C11orf65: variants seen among roughly 807,000 people sequenced by gnomAD.
C11orf65 encodes protein MFI.
C11orf65 carries 38 observed loss-of-function variants against 35.3 expected under a neutral mutation model. The ratio of observed to expected loss-of-function variants is 1.08; its 90% CI spans 0.83 to 1.41. The LOEUF (loss-of-function observed/expected upper bound fraction) is 1.41, where lower values mean the gene tolerates loss of function less well. Among genes scored for constraint, C11orf65 ranks in the 40% most tolerant of loss-of-function variants. The probability of loss-of-function intolerance (pLI) is 0.00; values close to 1 mark genes in which losing one functional copy is unlikely to be tolerated. For missense variants in C11orf65, 370 were observed against 367.1 expected (o/e 1.01, Z -0.06); for synonymous variants, 105 against 114.4 (o/e 0.92, Z 0.53).
chr11:108,422,400 AT>A (rs2092832044), intron 3 of C11orf65, among the ~76,000 whole-genome samples: 1 of 152,232 alleles, frequency 6.6e-6, no homozygotes, highest in African/African-American at 2.4e-5. Flanking sequence ...CTTCTCTACC[AT>A]TTAATAGGAC....
chr11:108,362,646 G>T (rs2090910200), intron 2 of C11orf65, among the ~76,000 whole-genome samples: 1 of 149,606 alleles, frequency 6.7e-6, no homozygotes, highest in Non-Finnish European at 1.5e-5. Flanking sequence ...CATGTCCTTT[G>T]TAGGGACATG....
Position 108,450,945 on chromosome 11 carries a change from T to C in C11orf65, c.81+10534A>G, listed in dbSNP as rs1292921616. ...CAATAGATGCAGAAACGGCCTTCAA[T>C]AAAATTCAACAGCTCTTCATGCTAA... On this transcript the variant is annotated intron_variant, in intron 2 of 8. Transcript: ENST00000393084. 1.1e-4 allele frequency among the ~76,000 whole-genome samples: 16 copies of C among 151,856 alleles called. No individual in the cohort carries two copies. The East Asian group carries it at 3.1e-3, about 29-fold the overall frequency.
chr11:108,314,115 GTTTT>G (rs1362785249), intron 6 of C11orf65, among the ~76,000 whole-genome samples: 1 of 151,688 alleles, frequency 6.6e-6, no homozygotes, highest in Non-Finnish European at 1.5e-5. Context: ...CTAATGTACA[GTTTT>G]TTTGTTTTTT....
intron 2 of C11orf65, among the ~76,000 whole-genome samples, chr11:108,357,854 A>G (rs227048): frequency 0.52 from 78,311 of 149,850 alleles, 21,283 homozygotes; most frequent in Middle Eastern, 0.72. Context: ...AAAAAACAGA[A>G]CAGAAAAACT....
intron 7 of C11orf65, 64 bp from the exon 8 acceptor site, chr11:108,386,039 T>A: frequency 3.0e-6 from 4 of 1,349,942 alleles, no homozygotes; most frequent in Non-Finnish European, 4.2e-6. Context: ...TTAGACTACT[T>A]CTAAAATTCC....
At chr11:108,376,173 C>G (rs923090357) in intron 2 of C11orf65, among the ~76,000 whole-genome samples, 4 of 152,134 alleles carry the variant, frequency 2.6e-5, no homozygotes, top group East Asian at 1.9e-4. Context: ...CCCAAATCAA[C>G]AGAATATACA....
intron 6 of C11orf65, chr11:108,317,617 A>ATATATG (rs2084819354): frequency 3.9e-5 from 1 of 25,328 alleles, no homozygotes; most frequent in East Asian, 7.1e-4. Context: ...GAGTTGTTTT[A>ATATATG]TATATATATA....
intron 2 of C11orf65, among the ~76,000 whole-genome samples, chr11:108,446,011 G>A (rs1565708904): frequency 1.3e-5 from 2 of 152,184 alleles, no homozygotes; most frequent in Non-Finnish European, 2.9e-5. Flanking sequence ...TCAACTGGAA[G>A]AAAGGGTATC....
intron 2 of C11orf65, chr11:108,354,754 TAC>T: frequency 4.3e-6 from 6 of 1,399,540 alleles, no homozygotes; most frequent in Non-Finnish European, 6.1e-6. Flanking sequence ...CAGATAAAGA[TAC>T]GTTGACAACA....
At chr11:108,371,948 C>A (rs977657502) in intron 2 of C11orf65, among the ~76,000 whole-genome samples, 1 of 152,122 alleles carries the variant, frequency 6.6e-6, no homozygotes, top group African/African-American at 2.4e-5. Flanking sequence ...GTGACTCTTA[C>A]AAGTAGAAGC....
chr11:108,403,420 G>GTTTTTTTTTTTTTTTTT (rs869122131), intron 6 of C11orf65, among the ~76,000 whole-genome samples: 1 of 119,714 alleles, frequency 8.4e-6, no homozygotes, highest in Non-Finnish European at 1.6e-5. Context: ...TTTTTTTTTT[G>GTTTTTTTTTTTTTTTTT]TTTTTTTTTT....
chr11:108,469,451 T>G (rs537478921), upstream of C11orf65, among the ~76,000 whole-genome samples: 5 of 151,708 alleles, frequency 3.3e-5, no homozygotes, highest in South Asian at 1.0e-3. Context: ...TTAGATATTA[T>G]TTTTATTAGG....
At chr11:108,316,814 T>C (rs1323682319) in intron 6 of C11orf65, among the ~76,000 whole-genome samples, 2 of 148,782 alleles carry the variant, frequency 1.3e-5, no homozygotes, top group East Asian at 4.0e-4. Context: ...TAGGCCCAGC[T>C]ACTTGGGAGG....
chr11:108,330,186 G>C (rs2136449536), downstream of C11orf65: 1 of 1,601,312 alleles, frequency 6.2e-7, no homozygotes, highest in Non-Finnish European at 8.5e-7. Flanking sequence ...CATGGCTTTT[G>C]TGTTTTACCT....
In C11orf65 at chr11:108,368,264, T is replaced by C. The variant is rs754992709; in HGVS notation, c.226+24944A>G. 2.6e-4 allele frequency: 53 copies of C among 202,892 alleles called. No homozygotes were observed. In the Middle Eastern group the frequency reaches 0.013, roughly 50 times the overall value. 12.6% of individuals were successfully genotyped at this position (202,892 alleles called of 1,614,324 possible). On this transcript the variant is annotated intron_variant, in intron 2 of 3. Coordinates refer to the C11orf65 transcript ENST00000524755. ...CAGGGTTGCCATTGTATTCCAGCCTTGGCGACAGAGCAAGACTCTGCCTCA... is the reference window on the plus strand; with the variant it reads ...CAGGGTTGCCATTGTATTCCAGCCTCGGCGACAGAGCAAGACTCTGCCTCA...
intron 2 of C11orf65, among the ~76,000 whole-genome samples, chr11:108,335,605 G>C (rs1007267291): frequency 6.6e-6 from 1 of 152,044 alleles, no homozygotes; most frequent in Admixed American, 6.5e-5. Context: ...TGCCTTCCTA[G>C]GGGGGACTTC....
intron 3 of C11orf65, among the ~76,000 whole-genome samples, chr11:108,414,212 T>C (rs1340281042): frequency 6.6e-6 from 1 of 151,996 alleles, no homozygotes; most frequent in African/African-American, 2.4e-5. Context: ...ATTACTAATA[T>C]CAGAAATGGT....
chr11:108,326,008 G>A (rs2136328694), intron 6 of C11orf65: 1 of 1,580,422 alleles, frequency 6.3e-7, no homozygotes, highest in Non-Finnish European at 8.7e-7. Flanking sequence ...ATTCATGGTA[G>A]TAGTATCAGT....
rs370344306 is a variant in C11orf65 at position 108,465,916 on chromosome 11, C to T, written c.-10+1555G>A. On this transcript the variant is annotated intron_variant, in intron 1 of 8. Transcript: ENST00000393084. Reference sequence around the variant, plus strand: ...AGGAGAATTGCTTGAACCTGGCAGGCGGAGGTTGCGGTGAGTCGAGATCAT... The same window carrying T: ...AGGAGAATTGCTTGAACCTGGCAGGTGGAGGTTGCGGTGAGTCGAGATCAT... Among the ~76,000 whole-genome samples, 17 of 147,340 alleles carry T rather than the reference C, an allele frequency of 1.2e-4. No homozygotes were observed. The East Asian group carries it at 2.2e-3, about 19-fold the overall frequency.
Sources: allele counts gnomAD v4.1 joint callset (sites outside exome capture counted in the v4.1 genomes callset), GRCh38; gene constraint gnomAD v4.1.1; transcripts MANE v1.5; gene names NCBI Gene and HGNC (gene_info 2026-07-23, HGNC 2026-07-21).